The following ITGA5 variants were observed in gnomAD, a reference collection of about 807,000 sequenced individuals.
ITGA5 encodes the protein integrin subunit alpha 5.
ITGA5 carries 55 observed loss-of-function variants against 146.3 expected under a neutral mutation model. The observed-to-expected ratio is 0.38, with a 90% CI of 0.30 to 0.47. The LOEUF (loss-of-function observed/expected upper bound fraction) is 0.47, where lower values mean the gene tolerates loss of function less well. Ranked by LOEUF, ITGA5 falls within the 20% of genes least tolerant of loss-of-function variation. The pLI, the probability that ITGA5 is intolerant of heterozygous loss-of-function variation, is 0.99. For missense variants in ITGA5, 1,131 were observed against 1,329.0 expected, an observed-to-expected ratio of 0.85 and a Z score of 2.32; for synonymous variants, 500 against 531.8, an observed-to-expected ratio of 0.94 and a Z score of 0.82.
rs1313781087 is a variant in ITGA5, at chr12:54,405,876, C to G, written c.957G>C (p.Gly319=). Residue 319 remains glycine, a synonymous_variant, in exon 10 of 30, where the codon GGG becomes GGC. Coordinates refer to ENST00000293379, the MANE Select transcript of ITGA5 (RefSeq NM_002205.5). ...SDIRSLYNFS[G]EQMASYFGYA... Reference sequence around the variant, plus strand: ...GGTTGAGGGGTATCCTTACCTGTTCCCCTGAGAAGTTGTAGAGGGATCGAA... The same window carrying G: ...GGTTGAGGGGTATCCTTACCTGTTCGCCTGAGAAGTTGTAGAGGGATCGAA... The G allele has an allele frequency of 6.2e-7, 1 of 1,613,924 alleles. No homozygotes were observed. The highest frequency in any genetic ancestry group is 1.1e-5 in the South Asian group (1 of 91,072).
intron 1 of ITGA5, among the ~76,000 whole-genome samples, chr12:54,414,835 G>C (rs369505402): frequency 6.9e-6 from 1 of 145,488 alleles, no homozygotes; most frequent in African/African-American, 2.6e-5. Flanking sequence ...GACAGAGCGA[G>C]ACTCCTTCTC....
At position 54,403,545 on chromosome 12, in the gene ITGA5, CTT is replaced by C. The variant is rs1955818218; in HGVS notation, c.1776+78_1776+79del. The C allele has an allele frequency of 1.3e-6, 2 of 1,491,576 alleles. No individual in the cohort carries two copies. 92.4% of individuals were successfully genotyped at this position (1,491,576 alleles called of 1,614,324 possible). On this transcript the variant is annotated intron_variant, in intron 17 of 29. Transcript: ENST00000293379. This position sits in a 1 kb window ranked among gnomAD's most constrained non-coding sequence, Gnocchi z 4.9. The stretch of plus-strand genomic sequence containing the variant: ...AAGCCCTTCACTGGAGTCCCCCAGT[CTT>C]TTTCCCTTCAGGAGGTGCCCTCAGT...
chr12:54,398,835 C>CTCT, intron 27 of ITGA5, 137 bp from the exon 28 acceptor site: 3 of 220,280 alleles, frequency 1.4e-5, no homozygotes, highest in Non-Finnish European at 7.9e-6. Context: ...CTCTCTCTCT[C>CTCT]TTTTTTTTTT....
chr12:54,403,049 G>C lies in ITGA5; in HGVS notation c.1916C>G (p.Ala639Gly), dbSNP rs202210895. Residue 639 changes from alanine (A) to glycine (G), a missense_variant and splice_region_variant, in exon 19 of 30, where the codon GCT (alanine) becomes GGT (glycine). Ala to Gly is a moderately conservative substitution (Grantham distance 60, BLOSUM62 0). Around this residue, in one of 3 missense-constraint regions of ITGA5, gnomAD observed 889 missense variants for 1,021.5 expected, o/e 0.87. Coordinates refer to ENST00000293379, the MANE Select transcript of ITGA5 (RefSeq NM_002205.5). This position sits in a 1 kb window ranked among gnomAD's most constrained non-coding sequence, Gnocchi z 4.9. Reference protein sequence around the residue: ...YQSKSRIEDKAQILLDCGEDN... With the variant: ...YQSKSRIEDKGQILLDCGEDN... ...TTCTCCACAGTCCAGCAAGATCTGA[G>C]CCTGGGGAGCAGGGCAGCCTTGAGA... 30 of 1,614,164 alleles carry C rather than the reference G, an allele frequency of 1.9e-5. No homozygotes were observed. Among genetic ancestry groups the C allele is most frequent in the African/African-American group, 2.7e-5 (2 of 75,024 alleles).
Position 54,418,980 on chromosome 12 carries a change from C to G in ITGA5, c.218+1G>C. ...TCCCGTCTCCAGCCCTCCTCACTCA[C>G]CCGTCTGTTCCCGGCCGGTAAAACT... On this transcript the variant is annotated splice_donor_variant, in intron 1 of 29. Transcript: ENST00000293379. LOFTEE classifies it high-confidence loss of function. 1 of 1,610,628 alleles carries G rather than the reference C, an allele frequency of 6.2e-7. No individual in the cohort carries two copies. Among genetic ancestry groups the G allele is most frequent in the East Asian group, 2.2e-5 (1 of 44,768 alleles).
intron 9 of ITGA5, among the ~76,000 whole-genome samples, chr12:54,406,563 G>T (rs557591238): frequency 6.6e-6 from 1 of 152,320 alleles, no homozygotes; most frequent in East Asian, 1.9e-4. Flanking sequence ...ACTGCCCAAA[G>T]TCTCAACTTC....
chr12:54,403,400 T>C lies in ITGA5; in HGVS notation c.1777-76A>G. 3.4e-6 allele frequency: 5 copies of C among 1,450,034 alleles called. No homozygotes were observed. In the South Asian group the frequency reaches 5.9e-5, roughly 17 times the overall value. 89.8% of individuals were successfully genotyped at this position (1,450,034 alleles called of 1,614,324 possible). Reference sequence around the variant, plus strand: ...TGGCCCTGCTCCTCAGCCTCTCTCATCTCCCTTTGTCTGCTTAGGGCCCAA... The same window carrying C: ...TGGCCCTGCTCCTCAGCCTCTCTCACCTCCCTTTGTCTGCTTAGGGCCCAA... On this transcript the variant is annotated intron_variant, in intron 17 of 29. Coordinates refer to ENST00000293379, the MANE Select transcript of ITGA5 (RefSeq NM_002205.5). The surrounding 1 kb of genome is among the most constrained non-coding windows in gnomAD (Gnocchi z 4.9).
intron 1 of ITGA5, among the ~76,000 whole-genome samples, chr12:54,414,833 G>T (rs986983274): frequency 2.0e-5 from 3 of 147,096 alleles, no homozygotes; most frequent in African/African-American, 5.2e-5. Flanking sequence ...GAGACAGAGC[G>T]AGACTCCTTC....
chr12:54,413,500 T>G (rs1955972165), intron 1 of ITGA5: 1 of 152,290 alleles, frequency 6.6e-6, no homozygotes, highest in Admixed American at 6.5e-5. Context: ...TGTGGCTTCC[T>G]GTCTGTTTCC....
chr12:54,406,770 C>G (rs531129415), intron 9 of ITGA5, among the ~76,000 whole-genome samples: 1 of 152,222 alleles, frequency 6.6e-6, no homozygotes, highest in South Asian at 2.1e-4. Context: ...TTCATAGAAC[C>G]TTCTCTCATC....
Position 54,409,234 on chromosome 12 carries a change from G to T in ITGA5, c.581C>A (p.Ser194Ter). The T allele has an allele frequency of 6.2e-7, 1 of 1,611,136 alleles. No homozygotes were observed. Among genetic ancestry groups the T allele is most frequent in the South Asian group, 1.1e-5 (1 of 90,700 alleles). ...CACAGGCCCCCTCTTGCCCCTACCT[G>T]AGCGGCAGGGTGCATACTCCAGAAT... ...TRILEYAPCR[S>*]DFSWAAGQGY... Residue 194 changes from serine (S) to a stop codon, truncating the protein, a stop_gained and splice_region_variant, in exon 4 of 30, where the codon TCA becomes TAA. Coordinates refer to ENST00000293379, the MANE Select transcript of ITGA5 (RefSeq NM_002205.5). LOFTEE classifies it high-confidence loss of function. This position sits in a 1 kb window ranked among gnomAD's most constrained non-coding sequence, Gnocchi z 4.7.
At chr12:54,404,598 T>A (rs1315965471) in intron 13 of ITGA5, 105 bp downstream of exon 13, 4 of 1,485,888 alleles carry the variant, frequency 2.7e-6, no homozygotes, top group Middle Eastern at 1.7e-4. Flanking sequence ...TCTGTTGGAA[T>A]TAGCCAGAAC....
At chr12:54,400,733 G>T in intron 25 of ITGA5, 113 bp downstream of exon 25, 1 of 1,065,820 alleles carries the variant, frequency 9.4e-7, no homozygotes, top group Non-Finnish European at 1.4e-6. Flanking sequence ...CTCAACCCTA[G>T]CTATAGGCAC....
chr12:54,417,051 G>A (rs2120584826), intron 1 of ITGA5, among the ~76,000 whole-genome samples: 1 of 152,156 alleles, frequency 6.6e-6, no homozygotes, highest in South Asian at 2.1e-4. Context: ...AGAGGGTATT[G>A]TAAATAGGAA....
rs1056913750 is a variant in ITGA5, at chr12:54,399,770, G to A, written c.2728-12C>T. On this transcript the variant is annotated splice_polypyrimidine_tract_variant and intron_variant, in intron 26 of 29. Transcript: ENST00000293379. ...GCCTCCGGGCATTTCTAGGAAGAAA[G>A]AAGCTTGAACCTGGTGTTCTGCCCT... 1 of 1,613,770 alleles carries A rather than the reference G, an allele frequency of 6.2e-7. No individual in the cohort carries two copies. The highest frequency in any genetic ancestry group is 8.5e-7 in the Non-Finnish European group (1 of 1,179,632).
chr12:54,396,990 C>T (rs1955718812), intron 29 of ITGA5, among the ~76,000 whole-genome samples: 1 of 152,186 alleles, frequency 6.6e-6, no homozygotes, highest in African/African-American at 2.4e-5. Context: ...CTGGCCATGG[C>T]TGCCTCTTGA....
chr12:54,409,718 G>T lies in ITGA5; in HGVS notation c.350-121C>A. The stretch of plus-strand genomic sequence containing the variant: ...TCCAAGCCCTGAGACTCCATGACTC[G>T]CTGGGAGTGTGGAATTGGTAAGGAG... On this transcript the variant is annotated intron_variant, in intron 2 of 29. Coordinates refer to ENST00000293379, the MANE Select transcript of ITGA5 (RefSeq NM_002205.5). The surrounding 1 kb of genome is among the most constrained non-coding windows in gnomAD (Gnocchi z 4.7). 3.2e-6 allele frequency: 2 copies of T among 628,378 alleles called. No individual in the cohort carries two copies. The highest frequency in any genetic ancestry group is 5.6e-6 in the Non-Finnish European group (2 of 358,662). The allele number at this position is 628,378 out of a possible 1,614,324, so 38.9% of individuals were successfully genotyped here. A position where few individuals can be genotyped will look rare whatever the true frequency, so the allele number is the denominator to read the frequency against.
chr12:54,401,980 C>T lies in ITGA5; in HGVS notation c.2226+21G>A, dbSNP rs972858358. On this transcript the variant is annotated intron_variant, in intron 21 of 29. Transcript: ENST00000293379. This position sits in a 1 kb window ranked among gnomAD's most constrained non-coding sequence, Gnocchi z 5.0. ...CAGGTCTGCTCTCCCTCTGTCCCAT[C>T]CTCTTTCATCCCAAACTTACACTGG... The T allele has an allele frequency of 1.2e-6, 2 of 1,612,714 alleles. No homozygotes were observed. The highest frequency in any genetic ancestry group is 1.7e-4 in the Middle Eastern group (1 of 6,040).
At chr12:54,406,481 C>T (rs1030871200) in intron 9 of ITGA5, among the ~76,000 whole-genome samples, 2 of 152,204 alleles carry the variant, frequency 1.3e-5, no homozygotes, top group African/African-American at 4.8e-5. Context: ...TTGACAATGT[C>T]CCTGCCTCCA....
Sources: allele counts gnomAD v4.1 joint callset (sites outside exome capture counted in the v4.1 genomes callset), GRCh38; gene constraint gnomAD v4.1.1; regional missense constraint gnomAD v4.1.1; non-coding constraint Gnocchi (gnomAD v3.1); transcripts MANE v1.5; gene names NCBI Gene and HGNC (gene_info 2026-07-23, HGNC 2026-07-21).